TASP1: variants seen among roughly 807,000 people sequenced by gnomAD.
TASP1 encodes the protein taspase 1.
Under a neutral mutation model 56.6 loss-of-function variants are expected in TASP1, and 16 were observed. The ratio of observed to expected loss-of-function variants is 0.28; its 90% confidence interval spans 0.19 to 0.43. The LOEUF (loss-of-function observed/expected upper bound fraction) is 0.43, where lower values mean the gene tolerates loss of function less well. Ranked by LOEUF, TASP1 falls within the 20% of genes least tolerant of loss-of-function variation. The pLI, the probability that TASP1 is intolerant of heterozygous loss-of-function variation, is 1.00. For synonymous variants in TASP1, 179 were observed against 184.2 expected (o/e 0.97, Z 0.23); for missense variants, 393 against 511.6 (o/e 0.77, Z 2.24).
At chr20:13,343,239 G>A in the TASP1 span, among the ~76,000 whole-genome samples, 1 of 152,244 alleles carries the variant, frequency 6.6e-6, no homozygotes, top group East Asian at 1.9e-4. Flanking sequence ...GCCAGGATCA[G>A]GTAAGTCTAG....
intron 4 of TASP1, among the ~76,000 whole-genome samples, chr20:13,596,737 T>A (rs1338932272): frequency 6.6e-6 from 1 of 152,084 alleles, no homozygotes; most frequent in Non-Finnish European, 1.5e-5. Context: ...AATCAATGAA[T>A]CCAGGAGCTG....
At chr20:13,502,877 A>C (rs1423493526) in intron 10 of TASP1, among the ~76,000 whole-genome samples, 1 of 152,202 alleles carries the variant, frequency 6.6e-6, no homozygotes, top group Non-Finnish European at 1.5e-5. Context: ...AATGCACTGA[A>C]GAGACTAAGA....
At chr20:13,427,445 A>G (rs998855024) in intron 12 of TASP1, among the ~76,000 whole-genome samples, 2 of 152,236 alleles carry the variant, frequency 1.3e-5, no homozygotes, top group Non-Finnish European at 2.9e-5. Context: ...CAATGATAAA[A>G]TAACTCATTA....
chr20:13,282,907 A>T, the TASP1 span, among the ~76,000 whole-genome samples: 1 of 152,232 alleles, frequency 6.6e-6, no homozygotes, highest in African/African-American at 2.4e-5. Flanking sequence ...GTAGGTGCTC[A>T]GTAGCATTTG....
chr20:13,338,337 C>G, the TASP1 span, among the ~76,000 whole-genome samples: 1 of 152,180 alleles, frequency 6.6e-6, no homozygotes, highest in Non-Finnish European at 1.5e-5. Context: ...CCAGATGTCA[C>G]TTTCATCGCC....
At chr20:13,242,293 G>A in the TASP1 span, among the ~76,000 whole-genome samples, 3 of 152,250 alleles carry the variant, frequency 2.0e-5, no homozygotes, top group African/African-American at 4.8e-5. Context: ...TTAGATGAAC[G>A]GAGAATGACC....
chr20:13,440,391 C>T (rs1266218097), intron 11 of TASP1, among the ~76,000 whole-genome samples: 1 of 152,080 alleles, frequency 6.6e-6, no homozygotes, highest in Non-Finnish European at 1.5e-5. Flanking sequence ...GATGACACAG[C>T]TATGCATCAA....
the TASP1 span, among the ~76,000 whole-genome samples, chr20:13,346,595 C>T: frequency 4.3e-4 from 65 of 152,312 alleles, no homozygotes; most frequent in African/African-American, 1.4e-3. Context: ...AGGAGTTCAG[C>T]GCATCCAGCG....
chr20:13,333,951 C>A, the TASP1 span, among the ~76,000 whole-genome samples: 1 of 152,182 alleles, frequency 6.6e-6, no homozygotes, highest in Non-Finnish European at 1.5e-5. Context: ...AGAGAAATGG[C>A]AATGCTATTC....
the TASP1 span, among the ~76,000 whole-genome samples, chr20:13,294,283 C>T: frequency 1.3e-5 from 2 of 152,154 alleles, no homozygotes; most frequent in Non-Finnish European, 2.9e-5. Context: ...TTCAGTGTCG[C>T]TAGGGCCTCT....
At chr20:13,427,624 G>A (rs761439320) in intron 12 of TASP1, among the ~76,000 whole-genome samples, 1 of 152,146 alleles carries the variant, frequency 6.6e-6, no homozygotes, top group African/African-American at 2.4e-5. Flanking sequence ...AAGTAAAGGA[G>A]GGAGAAAGCA....
chr20:13,455,428 A>AT (rs1280385296), intron 11 of TASP1, among the ~76,000 whole-genome samples: 1 of 152,138 alleles, frequency 6.6e-6, no homozygotes, highest in Non-Finnish European at 1.5e-5. Context: ...ACTAAGAAAT[A>AT]TAAGACATCA....
intron 10 of TASP1, among the ~76,000 whole-genome samples, chr20:13,516,520 C>G (rs1184063306): frequency 2.2e-4 from 33 of 152,040 alleles, no homozygotes; most frequent in Admixed American, 2.1e-3. Context: ...CTCAACTTAC[C>G]CCCTCTCCAA....
chr20:13,503,905 C>G (rs6134893), intron 10 of TASP1, among the ~76,000 whole-genome samples: 38,512 of 151,362 alleles, frequency 0.25, 5,048 homozygotes, highest in Middle Eastern at 0.31. Flanking sequence ...TCAAAGACAG[C>G]TCATTTAAAA....
chr20:13,349,040 G>T, the TASP1 span, among the ~76,000 whole-genome samples: 1 of 152,120 alleles, frequency 6.6e-6, no homozygotes, highest in South Asian at 2.1e-4. Context: ...AATCCTTGAG[G>T]GATCAGCCAG....
rs182897406 is a variant in TASP1 at position 13,602,446 on chromosome 20, T to C, written c.283-15076A>G. Among the ~76,000 whole-genome samples the C allele has an allele frequency of 2.5e-4, 38 of 152,242 alleles. No homozygotes were observed. The East Asian group carries it at 6.2e-3, about 25-fold the overall frequency. ...GAAGTATGGATGTCAGTTAATAATG[T>C]ATCAATAAAGGTTCATTCATTATGA... On this transcript the variant is annotated intron_variant, in intron 4 of 13. Transcript: ENST00000337743.
chr20:13,515,203 C>A (rs918566820), intron 10 of TASP1, among the ~76,000 whole-genome samples: 2 of 152,074 alleles, frequency 1.3e-5, no homozygotes, highest in Non-Finnish European at 2.9e-5. Flanking sequence ...ACACAATAAG[C>A]CTGTCTTGGT....
the TASP1 span, among the ~76,000 whole-genome samples, chr20:13,281,925 T>A: frequency 6.6e-6 from 1 of 152,166 alleles, no homozygotes; most frequent in African/African-American, 2.4e-5. Context: ...CTTCCTTATG[T>A]ACCAGTAGTC....
chr20:13,609,012 T>C (rs1188702391), intron 4 of TASP1, among the ~76,000 whole-genome samples: 1 of 152,230 alleles, frequency 6.6e-6, no homozygotes, highest in Non-Finnish European at 1.5e-5. Flanking sequence ...TTTATCATTT[T>C]TTTGGACATA....
Sources: gnomAD v4.1 joint callset for allele counts (sites outside exome capture counted in the v4.1 genomes callset) on GRCh38, gnomAD v4.1.1 for gene constraint, MANE v1.5 for transcripts, NCBI Gene and HGNC (gene_info 2026-07-23, HGNC 2026-07-21) for gene names.